Variants in B4GALT3 observed in about 807,000 individuals in gnomAD.
B4GALT3 encodes the protein beta-1,4-galactosyltransferase 3.
In B4GALT3, 29 loss-of-function variants were observed where a neutral mutation model predicts 40.7. That is an observed-to-expected ratio of 0.71 (90% CI 0.53 to 0.97). B4GALT3 has a LOEUF of 0.97. Among genes scored for constraint, B4GALT3 ranks in the 50% least tolerant of loss-of-function variants. The pLI, the probability that B4GALT3 is intolerant of heterozygous loss-of-function variation, is 0.00. For synonymous variants in B4GALT3, 182 were observed against 203.9 expected (o/e 0.89, Z 0.92); for missense variants, 390 against 522.3 (o/e 0.75, Z 2.47).
At position 161,175,121 on chromosome 1, in the gene B4GALT3, G is replaced by A. The variant is rs756427132; in HGVS notation, c.361C>T (p.Pro121Ser). Residue 121 changes from proline (P) to serine (S), a missense_variant, in exon 4 of 8, where the codon CCC becomes TCC. By Grantham distance (74) the Pro-to-Ser change is moderately conservative (BLOSUM62 -1). Transcript: ENST00000319769. Reference protein sequence around the residue: ...GGRYRPAGCEPRSRTAIIVPH... With the variant: ...GGRYRPAGCESRSRTAIIVPH... ...ACAATGATGGCTGTTCGGGAGCGGG[G>A]CTCACAACCTGCAGGGCGGTACCGG... 5.0e-6 allele frequency: 8 copies of A among 1,613,980 alleles called. No individual in the cohort carries two copies. The highest frequency in any genetic ancestry group is 6.8e-6 in the Non-Finnish European group (8 of 1,179,850).
chr1:161,176,901 C>A (rs1395579696), intron 1 of B4GALT3: 4 of 1,536,216 alleles, frequency 2.6e-6, no homozygotes, highest in Non-Finnish European at 3.5e-6. Context: ...GTGGAGTGGC[C>A]TAAGGAGTAC....
rs139702980 is a variant in B4GALT3, at chr1:161,175,629, A to G, written c.253+179T>C. 4.6e-5 allele frequency among the ~76,000 whole-genome samples: 7 copies of G among 151,954 alleles called. No homozygotes were observed. The East Asian group carries it at 1.4e-3, about 29-fold the overall frequency. ...CCCAATAGTCTAATCTAAACTCCCA[A>G]TTCAGAGTCTACTCTATCTCAACCT... On this transcript the variant is annotated intron_variant, in intron 3 of 7. Coordinates refer to ENST00000319769, the MANE Select transcript of B4GALT3 (RefSeq NM_003779.4).
chr1:161,172,579 G>C (rs1213676100), intron 6 of B4GALT3, among the ~76,000 whole-genome samples: 1 of 152,156 alleles, frequency 6.6e-6, no homozygotes, highest in Admixed American at 6.5e-5. Context: ...CTATTCCCTT[G>C]GCTTCCTAAA....
rs369403728 is a variant in B4GALT3 at position 161,176,066 on chromosome 1, G to A, written c.-6C>T. 5.6e-5 allele frequency: 91 copies of A among 1,613,838 alleles called. No individual in the cohort carries two copies. The highest frequency in any genetic ancestry group is 7.3e-5 in the Non-Finnish European group (86 of 1,179,922). The stretch of plus-strand genomic sequence containing the variant: ...TCCAGCAGCCTCCGCAACATCCTGG[G>A]GGTGAGATCTAGGGAGGGAGAGGGG... On this transcript the variant is annotated 5_prime_UTR_variant, in exon 3 of 8. Coordinates refer to ENST00000319769, the MANE Select transcript of B4GALT3 (RefSeq NM_003779.4).
At chr1:161,173,580 G>A (rs1662295877) in intron 6 of B4GALT3, 25 bp downstream of exon 6, 2 of 1,613,128 alleles carry the variant, frequency 1.2e-6, no homozygotes, top group Non-Finnish European at 8.5e-7. Context: ...GGGGTCAGGA[G>A]GGAGGAAGTG....
In B4GALT3 at chr1:161,175,831, C is replaced by G. The variant is rs1236679103; in HGVS notation, c.230G>C (p.Cys77Ser). ...GPPAPQGLPYCPERSPLLVGP... is the reference protein window; with the variant it reads ...GPPAPQGLPYSPERSPLLVGP... ...ACCTAAGAGAGGAGATCGTTCTGGACAGTAGGGCAGACCTTGAGGAGCTGG... is the reference window on the plus strand; with the variant it reads ...ACCTAAGAGAGGAGATCGTTCTGGAGAGTAGGGCAGACCTTGAGGAGCTGG... Residue 77 changes from cysteine (C) to serine (S), a missense_variant, in exon 3 of 8, where the codon TGT becomes TCT. By Grantham distance (112) the Cys-to-Ser change is moderately radical (BLOSUM62 -1). This residue lies in a region of B4GALT3 where 183 missense variants were observed against 223.2 expected (regional missense o/e 0.82). Transcript: ENST00000319769. 6.2e-7 allele frequency: 1 copy of G among 1,614,102 alleles called. No homozygotes were observed. Among genetic ancestry groups the G allele is most frequent in the African/African-American group, 1.3e-5 (1 of 75,016 alleles).
At chr1:161,173,505 G>T in intron 6 of B4GALT3, 100 bp downstream of exon 6, 1 of 1,540,364 alleles carries the variant, frequency 6.5e-7, no homozygotes, top group Non-Finnish European at 8.9e-7. Context: ...GCAGGACCAG[G>T]GAGCTAAAGG....
rs377250284 is a variant in B4GALT3 at position 161,174,945 on chromosome 1, G to A, written c.489+48C>T. On this transcript the variant is annotated intron_variant, in intron 4 of 7. Transcript: ENST00000319769. ...GAAAGTGAAGTGGCATGTGCTTGAGGCTTCCTTAGAAGAAAGTCAGTCAAA... is the reference window on the plus strand; with the variant it reads ...GAAAGTGAAGTGGCATGTGCTTGAGACTTCCTTAGAAGAAAGTCAGTCAAA... The A allele has an allele frequency of 8.9e-6, 14 of 1,578,436 alleles. No homozygotes were observed. The African/African-American group carries it at 1.6e-4, about 18-fold the overall frequency.
Position 161,171,905 on chromosome 1 carries a change from AG to A in B4GALT3, c.1092del (p.Phe365SerfsTer72), listed in dbSNP as rs1661581859. 1 of 1,614,052 alleles carries A rather than the reference AG, an allele frequency of 6.2e-7. No individual in the cohort carries two copies. The highest frequency in any genetic ancestry group is 8.5e-7 in the Non-Finnish European group (1 of 1,180,030). ...GPRYPPGSSQAFRQEMLQRRP... is the reference protein window; with the variant it reads ...GPRYPPGSSQXFRQEMLQRRP... Reference sequence around the variant, plus strand: ...CGGCGTTGCAGCATCTCTTGACGGAAGGCTTGGGAGGAACCAGGTGGGTAAC... The same window carrying A: ...CGGCGTTGCAGCATCTCTTGACGGAAGCTTGGGAGGAACCAGGTGGGTAAC... On this transcript the variant is annotated frameshift_variant, in exon 8 of 8. Transcript: ENST00000319769. LOFTEE classifies it high-confidence loss of function.
chr1:161,172,218 T>TC lies in B4GALT3; in HGVS notation c.908+8dup. 6.2e-7 allele frequency: 1 copy of TC among 1,613,734 alleles called. No homozygotes were observed. The highest frequency in any genetic ancestry group is 8.5e-7 in the Non-Finnish European group (1 of 1,179,666). On this transcript the variant is annotated intron_variant, in intron 7 of 7. Transcript: ENST00000319769. ...TAACAATTCCCAGGCAGTCCTTCCT[T>TC]CTTCCTACCTGTGGGGATTTTCCTC...
Position 161,175,862 on chromosome 1 carries a change from C to A in B4GALT3, c.199G>T (p.Gly67Cys), listed in dbSNP as rs773754137. 2.5e-6 allele frequency: 4 copies of A among 1,614,120 alleles called. No individual in the cohort carries two copies. Among genetic ancestry groups the A allele is most frequent in the Middle Eastern group, 1.6e-4 (1 of 6,062 alleles). The change falls in exon 3 of 8, where the codon GGT becomes TGT. Residue 67 changes from glycine (G) to cysteine (C), a missense_variant. By Grantham distance (159) the Gly-to-Cys change is radical (BLOSUM62 -3). Coordinates refer to ENST00000319769, the MANE Select transcript of B4GALT3 (RefSeq NM_003779.4). ...GGCAGACCTTGAGGAGCTGGAGGAC[C>A]CCCTGGGGCCCCAGGCAGGTGACTG... ...NLSHLPGAPG[G>C]PPAPQGLPYC...
intron 4 of B4GALT3, 165 bp downstream of exon 4, chr1:161,174,827 TG>T (rs1393308530): frequency 2.9e-6 from 2 of 683,136 alleles, no homozygotes; most frequent in Non-Finnish European, 5.0e-6. Flanking sequence ...AGGAAAAGTA[TG>T]GGACTAACAA....
At position 161,171,570 on chromosome 1, in the gene B4GALT3, G is replaced by A. The variant is rs557770040; in HGVS notation, c.*246C>T. On this transcript the variant is annotated 3_prime_UTR_variant, in exon 8 of 8. Coordinates refer to ENST00000319769, the MANE Select transcript of B4GALT3 (RefSeq NM_003779.4). ...CTAGGGGCAGGGACTCCTAGGAATCGTCACATAAAATCATGACATCAAGGA... is the reference window on the plus strand; with the variant it reads ...CTAGGGGCAGGGACTCCTAGGAATCATCACATAAAATCATGACATCAAGGA... 35 of 610,094 alleles carry A rather than the reference G, an allele frequency of 5.7e-5. No homozygotes were observed. In the Middle Eastern group the frequency reaches 1.8e-3, roughly 31 times the overall value. The allele number at this position is 610,094 out of a possible 1,614,324, so 37.8% of individuals were successfully genotyped here. A position where few individuals can be genotyped will look rare whatever the true frequency, so the allele number is the denominator to read the frequency against.
In B4GALT3 at chr1:161,175,229, C is replaced by A; in HGVS notation, c.254-1G>T. The A allele has an allele frequency of 6.2e-7, 1 of 1,611,612 alleles. No individual in the cohort carries two copies. The highest frequency in any genetic ancestry group is 8.5e-7 in the Non-Finnish European group (1 of 1,178,980). On this transcript the variant is annotated splice_acceptor_variant, in intron 3 of 7. Coordinates refer to ENST00000319769, the MANE Select transcript of B4GALT3 (RefSeq NM_003779.4). LOFTEE classifies it high-confidence loss of function. The stretch of plus-strand genomic sequence containing the variant: ...CTAAAGGACACCGACACAGGACCCA[C>A]TGTTGGGAAGGAATGGCAAGTAGAG...
chr1:161,171,660 G>T lies in B4GALT3; in HGVS notation c.*156C>A. On this transcript the variant is annotated 3_prime_UTR_variant, in exon 8 of 8. Transcript: ENST00000319769. ...GACCCCTCAGGTCTACAGGAGCCCA[G>T]CTCCAGTCCAGCAGTGAGGGAGAGG... 1 of 1,074,056 alleles carries T rather than the reference G, an allele frequency of 9.3e-7. No individual in the cohort carries two copies. Among genetic ancestry groups the T allele is most frequent in the Non-Finnish European group, 1.3e-6 (1 of 758,196 alleles). 66.5% of individuals were successfully genotyped at this position (1,074,056 alleles called of 1,614,324 possible).
chr1:161,171,815 G>C lies in B4GALT3; in HGVS notation c.*1C>G. Reference sequence around the variant, plus strand: ...TGATTAAGGTAGACAGGAAGGAGGAGTCAGTGTGAACCTCGGAGGGCTGTG... The same window carrying C: ...TGATTAAGGTAGACAGGAAGGAGGACTCAGTGTGAACCTCGGAGGGCTGTG... On this transcript the variant is annotated 3_prime_UTR_variant, in exon 8 of 8. Transcript: ENST00000319769. 1 of 1,613,944 alleles carries C rather than the reference G, an allele frequency of 6.2e-7. No homozygotes were observed. Among genetic ancestry groups the C allele is most frequent in the Non-Finnish European group, 8.5e-7 (1 of 1,179,964 alleles).
At chr1:161,177,322 G>C in intron 1 of B4GALT3, 101 bp downstream of exon 1, 1 of 529,154 alleles carries the variant, frequency 1.9e-6, no homozygotes, top group Non-Finnish European at 3.4e-6. Context: ...CCCCGTCCCT[G>C]CTCAGGCTCG....
At chr1:161,172,501 A>C in intron 6 of B4GALT3, 170 bp from the exon 7 acceptor site, 2 of 616,630 alleles carry the variant, frequency 3.2e-6, no homozygotes, top group Non-Finnish European at 5.5e-6. Flanking sequence ...GAGAATATAA[A>C]AGCTGGATGT....
rs1036914238 is a variant in B4GALT3 at position 161,175,041 on chromosome 1, G to C, written c.441C>G (p.Pro147=). ...AAGCAAGCTGCTGGCGCTGCAAGAAGGGGTGCAGGTGGTAGAGCAGCAGGC... is the reference window on the plus strand; with the variant it reads ...AAGCAAGCTGCTGGCGCTGCAAGAACGGGTGCAGGTGGTAGAGCAGCAGGC... ...HLRLLLYHLH[P]FLQRQQLAYG... is the part of the protein sequence containing the mutation. The change falls in exon 4 of 8, where the codon CCC becomes CCG. Residue 147 remains proline, a synonymous_variant. Coordinates refer to ENST00000319769, the MANE Select transcript of B4GALT3 (RefSeq NM_003779.4). The C allele has an allele frequency of 4.3e-6, 7 of 1,614,010 alleles. No individual in the cohort carries two copies. Among genetic ancestry groups the C allele is most frequent in the Non-Finnish European group, 4.2e-6 (5 of 1,179,930 alleles).
Sources: allele counts gnomAD v4.1 joint callset (sites outside exome capture counted in the v4.1 genomes callset), GRCh38; gene constraint gnomAD v4.1.1; regional missense constraint gnomAD v4.1.1; transcripts MANE v1.5; gene names NCBI Gene and HGNC (gene_info 2026-07-23, HGNC 2026-07-21).